The following EPC2 variants were observed in gnomAD, a reference collection of about 807,000 sequenced individuals.
EPC2 encodes enhancer of polycomb 2, also known as enhancer of polycomb homolog 2.
Under a neutral mutation model 92.1 loss-of-function variants are expected in EPC2, and 14 were observed. The observed-to-expected ratio is 0.15, with a 90% CI of 0.10 to 0.24. EPC2 has a LOEUF of 0.24. Ranked by LOEUF, EPC2 falls within the 10% of genes least tolerant of loss-of-function variation. The pLI, the probability that EPC2 is intolerant of heterozygous loss-of-function variation, is 1.00. For synonymous variants in EPC2, 340 were observed against 334.7 expected (o/e 1.02, Z -0.17); for missense variants, 755 against 971.5 (o/e 0.78, Z 2.96).
intron 1 of EPC2, among the ~76,000 whole-genome samples, chr2:148,648,678 C>G (rs900533987): frequency 3.3e-5 from 5 of 152,010 alleles, no homozygotes; most frequent in African/African-American, 1.2e-4. Flanking sequence ...TAAGGCCTGT[C>G]TCTTCTGTGT....
At chr2:148,720,605 TG>T (rs773216064) in intron 2 of EPC2, among the ~76,000 whole-genome samples, 60 of 152,208 alleles carry the variant, frequency 3.9e-4, no homozygotes, top group Non-Finnish European at 6.2e-4. Context: ...CTCCGTGTGT[TG>T]GCCCCAAGGC....
chr2:148,656,990 T>C (rs1342604627), intron 1 of EPC2, among the ~76,000 whole-genome samples: 5 of 152,130 alleles, frequency 3.3e-5, no homozygotes, highest in African/African-American at 1.2e-4. Flanking sequence ...TATGCCAGAA[T>C]GCCATGAGTT....
intron 3 of EPC2, among the ~76,000 whole-genome samples, chr2:148,743,995 A>G (rs992134121): frequency 6.6e-6 from 1 of 152,114 alleles, no homozygotes; most frequent in South Asian, 2.1e-4. Context: ...AAATAATACT[A>G]GTCACAATGT....
intron 2 of EPC2, among the ~76,000 whole-genome samples, chr2:148,698,065 C>T (rs1048664967): frequency 6.6e-6 from 1 of 151,800 alleles, no homozygotes; most frequent in Non-Finnish European, 1.5e-5. Context: ...GGTTACTGTA[C>T]CTTTCATGGT....
intron 1 of EPC2, among the ~76,000 whole-genome samples, chr2:148,673,617 T>G (rs1574573735): frequency 6.6e-6 from 1 of 152,360 alleles, no homozygotes; most frequent in Admixed American, 6.5e-5. Flanking sequence ...AGAGTCTCAC[T>G]CTGTCACCCA....
At chr2:148,651,686 C>T (rs1018789367) in intron 1 of EPC2, among the ~76,000 whole-genome samples, 4 of 152,120 alleles carry the variant, frequency 2.6e-5, no homozygotes. Context: ...TTGGAAGTTG[C>T]TTAGCTTTTC....
At chr2:148,778,843 T>TC (rs1683697895) in intron 10 of EPC2, among the ~76,000 whole-genome samples, 2 of 152,134 alleles carry the variant, frequency 1.3e-5, no homozygotes, top group Non-Finnish European at 2.9e-5. Flanking sequence ...AGAATGGATA[T>TC]AACATATTGA....
chr2:148,647,507 C>T (rs1474196822), intron 1 of EPC2, among the ~76,000 whole-genome samples: 2 of 151,676 alleles, frequency 1.3e-5, no homozygotes, highest in Non-Finnish European at 2.9e-5. Flanking sequence ...GGGGTTTCAC[C>T]ATATTGGCCA....
chr2:148,733,513 T>C (rs1049674498), intron 2 of EPC2, among the ~76,000 whole-genome samples: 1 of 104,252 alleles, frequency 9.6e-6, no homozygotes, highest in Non-Finnish European at 1.9e-5. Flanking sequence ...TTTTTTTTTT[T>C]TTGATACAGG....
chr2:148,724,388 G>A (rs962659328), intron 2 of EPC2, among the ~76,000 whole-genome samples: 11 of 151,962 alleles, frequency 7.2e-5, no homozygotes. Flanking sequence ...TTTCTTTGTG[G>A]GGAACATTCA....
At chr2:148,711,165 C>G (rs1398197604) in intron 2 of EPC2, among the ~76,000 whole-genome samples, 1 of 151,766 alleles carries the variant, frequency 6.6e-6, no homozygotes, top group Non-Finnish European at 1.5e-5. Flanking sequence ...AAAATGGAAG[C>G]TTAGATGATT....
chr2:148,681,891 C>A (rs182667961), intron 1 of EPC2, among the ~76,000 whole-genome samples: 1 of 151,886 alleles, frequency 6.6e-6, no homozygotes, highest in East Asian at 1.9e-4. Context: ...CGACAACAGG[C>A]CCCCGGGGTG....
chr2:148,730,593 C>G (rs557130554), intron 2 of EPC2, among the ~76,000 whole-genome samples: 1 of 152,098 alleles, frequency 6.6e-6, no homozygotes, highest in South Asian at 2.1e-4. Flanking sequence ...TTTAACAAAC[C>G]CTTCAGATGA....
At chr2:148,714,731 G>A (rs2105386584) in intron 2 of EPC2, among the ~76,000 whole-genome samples, 1 of 152,250 alleles carries the variant, frequency 6.6e-6, no homozygotes, top group East Asian at 1.9e-4. Context: ...GTCTGTTCAT[G>A]TCCTTTGACC....
At chr2:148,705,343 A>G (rs951976319) in intron 2 of EPC2, among the ~76,000 whole-genome samples, 1 of 152,178 alleles carries the variant, frequency 6.6e-6, no homozygotes, top group African/African-American at 2.4e-5. Context: ...TTGAGTGATG[A>G]TAAGTTTTAG....
At chr2:148,747,798 C>T (rs1225448715) in intron 3 of EPC2, among the ~76,000 whole-genome samples, 3 of 151,984 alleles carry the variant, frequency 2.0e-5, no homozygotes, top group African/African-American at 7.3e-5. Context: ...TTATCTGTCC[C>T]CTGCATTTTT....
chr2:148,668,173 A>AG (rs1284489192), intron 1 of EPC2, among the ~76,000 whole-genome samples: 5 of 152,192 alleles, frequency 3.3e-5, no homozygotes, highest in Admixed American at 6.5e-5. Flanking sequence ...CTGGGATTAA[A>AG]GGTGTGAGCC....
chr2:148,769,140 CTT>C lies in EPC2; in HGVS notation c.1141-8_1141-7del, dbSNP rs772106257. The C allele has an allele frequency of 6.3e-7, 1 of 1,599,932 alleles. No individual in the cohort carries two copies. The highest frequency in any genetic ancestry group is 1.7e-5 in the Admixed American group (1 of 59,300). On this transcript the variant is annotated splice_polypyrimidine_tract_variant and intron_variant, in intron 7 of 13. Transcript: ENST00000258484. Reference sequence around the variant, plus strand: ...TTGATAACTTCTAAATGGAATGCCTCTTTTGTCTAGGTATTGTCCCCAGTATC... The same window carrying C: ...TTGATAACTTCTAAATGGAATGCCTCTTGTCTAGGTATTGTCCCCAGTATC...
chr2:148,675,251 C>G (rs1454142905), intron 1 of EPC2, among the ~76,000 whole-genome samples: 1 of 151,846 alleles, frequency 6.6e-6, no homozygotes, highest in Non-Finnish European at 1.5e-5. Context: ...CTTTCTAGGT[C>G]TTCCTACCTC....
Sources: gnomAD v4.1 joint callset for allele counts (sites outside exome capture counted in the v4.1 genomes callset) on GRCh38, gnomAD v4.1.1 for gene constraint, MANE v1.5 for transcripts, NCBI Gene and HGNC (gene_info 2026-07-23, HGNC 2026-07-21) for gene names.